The following MAPKAPK5 variants were observed in gnomAD, a reference collection of about 807,000 sequenced individuals.
MAPKAPK5 encodes MAP kinase-activated protein kinase 5.
MAPKAPK5 carries 30 observed loss-of-function variants against 65.1 expected under a neutral mutation model. The ratio of observed to expected loss-of-function variants is 0.46; its 90% confidence interval spans 0.34 to 0.63. The LOEUF (loss-of-function observed/expected upper bound fraction) is 0.63, where lower values mean the gene tolerates loss of function less well. MAPKAPK5 is among the 20% of genes least tolerant of loss of function. MAPKAPK5 has a pLI of 0.01. For missense variants in MAPKAPK5, 433 were observed against 581.4 expected, an observed-to-expected ratio of 0.74 and a Z score of 2.63; for synonymous variants, 179 against 204.6, an observed-to-expected ratio of 0.87 and a Z score of 1.07.
rs1436945609 is a variant in MAPKAPK5, at chr12:111,894,330, C to G, written c.*1269C>G. On this transcript the variant is annotated 3_prime_UTR_variant, in exon 14 of 14. Coordinates refer to ENST00000550735, the MANE Select transcript of MAPKAPK5 (RefSeq NM_003668.4). ...TACAGGCATGAGCCACCAAGCCTGG[C>G]CTATTCTTTATATGTTTAACCGGAG... 6.6e-6 allele frequency: 1 copy of G among 152,522 alleles called. No homozygotes were observed. Among genetic ancestry groups the G allele is most frequent in the East Asian group, 1.9e-4 (1 of 5,202 alleles). 9.4% of individuals were successfully genotyped at this position (152,522 alleles called of 1,614,324 possible).
At chr12:111,857,042 A>C (rs2069263831) in intron 1 of MAPKAPK5, among the ~76,000 whole-genome samples, 1 of 152,160 alleles carries the variant, frequency 6.6e-6, no homozygotes, top group African/African-American at 2.4e-5. Flanking sequence ...AATTGACTAA[A>C]GTCTGGTAAT....
At chr12:111,873,511 T>C (rs1169189173) in intron 7 of MAPKAPK5, among the ~76,000 whole-genome samples, 1 of 152,060 alleles carries the variant, frequency 6.6e-6, no homozygotes, top group Non-Finnish European at 1.5e-5. Flanking sequence ...GTCCGGCTAA[T>C]TTTTTGTATT....
chr12:111,854,809 C>T (rs763084060), intron 1 of MAPKAPK5, among the ~76,000 whole-genome samples: 18 of 152,144 alleles, frequency 1.2e-4, no homozygotes, highest in Non-Finnish European at 2.2e-4. Context: ...AAGGCCAAGG[C>T]AACCCCACAA....
At chr12:111,867,095 A>G (rs985302829) in intron 3 of MAPKAPK5, among the ~76,000 whole-genome samples, 22 of 151,594 alleles carry the variant, frequency 1.5e-4, no homozygotes, top group African/African-American at 5.3e-4. Flanking sequence ...ATGCCTGGCT[A>G]ATTTTGTTTG....
chr12:111,842,934 T>TTATGGG (rs2068766843), intron 1 of MAPKAPK5, 165 bp downstream of exon 1: 2 of 545,828 alleles, frequency 3.7e-6, no homozygotes, highest in Non-Finnish European at 5.7e-6. Flanking sequence ...GGGCCAAGGG[T>TTATGGG]TATGGGTGTG....
intron 1 of MAPKAPK5, among the ~76,000 whole-genome samples, chr12:111,864,757 G>T (rs2069549165): frequency 6.6e-6 from 1 of 152,080 alleles, no homozygotes; most frequent in East Asian, 1.9e-4. Context: ...ATATTGATTA[G>T]TTACTATTTT....
chr12:111,866,178 C>G lies in MAPKAPK5; in HGVS notation c.133C>G (p.Gln45Glu), dbSNP rs768779519. The G allele has an allele frequency of 6.2e-7, 1 of 1,612,142 alleles. No homozygotes were observed. Among genetic ancestry groups the G allele is most frequent in the Non-Finnish European group, 8.5e-7 (1 of 1,179,092 alleles). ...TAGAGTCTGTGTAAAGAAATCTACT[C>G]AAGAACGGTTTGCGCTGAAAATTCT... The part of the protein sequence containing the change: ...PVRVCVKKST[Q>E]ERFALKILLD... The change falls in exon 3 of 14, where the codon CAA (glutamine) becomes GAA (glutamate). Residue 45 changes from glutamine (Q) to glutamate (E), a missense_variant. Gln to Glu is a conservative substitution (Grantham distance 29, BLOSUM62 2). Around this residue, in one of 3 missense-constraint regions of MAPKAPK5, gnomAD observed 165 missense variants for 180.0 expected, o/e 0.92. Coordinates refer to ENST00000550735, the MANE Select transcript of MAPKAPK5 (RefSeq NM_003668.4).
intron 10 of MAPKAPK5, among the ~76,000 whole-genome samples, chr12:111,886,542 T>C (rs2070407829): frequency 6.6e-6 from 1 of 152,284 alleles, no homozygotes; most frequent in Admixed American, 6.5e-5. Flanking sequence ...ATCTGAGTTC[T>C]TTCTCATGTT....
At chr12:111,856,211 C>T (rs2069234581) in intron 1 of MAPKAPK5, among the ~76,000 whole-genome samples, 1 of 152,054 alleles carries the variant, frequency 6.6e-6, no homozygotes, top group Admixed American at 6.6e-5. Context: ...CTGTTCATTT[C>T]TGGCTTAATT....
At position 111,893,828 on chromosome 12, in the gene MAPKAPK5, A is replaced by C. The variant is rs2070708299; in HGVS notation, c.*767A>C. ...CCTCCCAGGTTCCAGTGATCCTCCC[A>C]CATCAGCCTCCCAAGTAGCTGGGAT... is the stretch of plus-strand genomic sequence containing the variant. On this transcript the variant is annotated 3_prime_UTR_variant, in exon 14 of 14. Transcript: ENST00000550735. 6.8e-6 allele frequency: 1 copy of C among 146,440 alleles called. No homozygotes were observed. Among genetic ancestry groups the C allele is most frequent in the African/African-American group, 2.6e-5 (1 of 39,150 alleles). The allele number at this position is 146,440 out of a possible 1,614,324, so 9.1% of individuals were successfully genotyped here. A position where few individuals can be genotyped will look rare whatever the true frequency, so the allele number is the denominator to read the frequency against.
chr12:111,846,098 T>C (rs1393298457), intron 1 of MAPKAPK5, among the ~76,000 whole-genome samples: 4 of 152,232 alleles, frequency 2.6e-5, no homozygotes, highest in South Asian at 2.1e-4. Flanking sequence ...GAATCTACGC[T>C]AATTTGGGCA....
In MAPKAPK5 at chr12:111,894,891, A is replaced by G. The variant is rs1340605277; in HGVS notation, c.*1830A>G. 1 of 151,240 alleles carries G rather than the reference A, an allele frequency of 6.6e-6. No individual in the cohort carries two copies. The highest frequency in any genetic ancestry group is 6.6e-5 in the Admixed American group (1 of 15,156). 9.4% of individuals were successfully genotyped at this position (151,240 alleles called of 1,614,324 possible). A position where few individuals can be genotyped will look rare whatever the true frequency, so the allele number is the denominator to read the frequency against. On this transcript the variant is annotated 3_prime_UTR_variant, in exon 14 of 14. Coordinates refer to ENST00000550735, the MANE Select transcript of MAPKAPK5 (RefSeq NM_003668.4). Reference sequence around the variant, plus strand: ...GGAGAGGATAGTCATCTGTTATTCAATTTTTTCTCATCTCATTCTCTTCGA... The same window carrying G: ...GGAGAGGATAGTCATCTGTTATTCAGTTTTTTCTCATCTCATTCTCTTCGA...
chr12:111,872,048 A>G (rs2069801736), intron 7 of MAPKAPK5, among the ~76,000 whole-genome samples: 1 of 151,986 alleles, frequency 6.6e-6, no homozygotes, highest in Admixed American at 6.5e-5. Flanking sequence ...GTATTTCATT[A>G]TATACCTAAG....
At chr12:111,851,853 A>T (rs1403675841) in intron 1 of MAPKAPK5, among the ~76,000 whole-genome samples, 4 of 152,196 alleles carry the variant, frequency 2.6e-5, no homozygotes, top group Admixed American at 2.0e-4. Context: ...GAGCTGGTTA[A>T]GGAAATCATG....
At chr12:111,845,698 G>T (rs952793300) in intron 1 of MAPKAPK5, among the ~76,000 whole-genome samples, 1 of 152,104 alleles carries the variant, frequency 6.6e-6, no homozygotes, top group African/African-American at 2.4e-5. Flanking sequence ...TAGGCGGGCG[G>T]ATCACCTGAG....
In MAPKAPK5 at chr12:111,868,788, G is replaced by C. The variant is rs1012399660; in HGVS notation, c.320G>C (p.Gly107Ala). The change falls in exon 5 of 14, where the codon GGG (glycine) becomes GCG (alanine). Residue 107 changes from glycine (G) to alanine (A), a missense_variant. This residue lies in a region of MAPKAPK5 where 165 missense variants were observed against 180.0 expected (regional missense o/e 0.92). Transcript: ENST00000550735. Reference protein sequence around the residue: ...RLLIVMEMMEGGELFHRISQH... With the variant: ...RLLIVMEMMEAGELFHRISQH... ...TTAATTGTAATGGAGATGATGGAAG[G>C]GGGAGAGCTATTTCACAGAATCAGC... The C allele has an allele frequency of 8.9e-6, 14 of 1,570,820 alleles. No homozygotes were observed. Among genetic ancestry groups the C allele is most frequent in the East Asian group, 4.7e-5 (2 of 42,450 alleles).
chr12:111,850,190 G>A (rs188051696), intron 1 of MAPKAPK5, among the ~76,000 whole-genome samples: 15 of 152,000 alleles, frequency 9.9e-5, no homozygotes, highest in Non-Finnish European at 1.8e-4. Flanking sequence ...CACCATGCCC[G>A]CCTAATTTTT....
intron 9 of MAPKAPK5, among the ~76,000 whole-genome samples, chr12:111,884,356 G>A (rs1371884912): frequency 7.2e-5 from 11 of 152,166 alleles, no homozygotes; most frequent in African/African-American, 2.7e-4. Context: ...GATTACAGGA[G>A]CCCGCTAACA....
rs1330517983 is a variant in MAPKAPK5 at position 111,886,002 on chromosome 12, A to G, written c.935A>G (p.Asn312Ser). 1 of 1,613,822 alleles carries G rather than the reference A, an allele frequency of 6.2e-7. No individual in the cohort carries two copies. Among genetic ancestry groups the G allele is most frequent in the African/African-American group, 1.3e-5 (1 of 74,888 alleles). ...CTCAATTCCACCGAGGCCCTGGATAATGTGCTGCCTTCTGCTCAGCTGATG... is the reference window on the plus strand; with the variant it reads ...CTCAATTCCACCGAGGCCCTGGATAGTGTGCTGCCTTCTGCTCAGCTGATG... The part of the protein sequence containing the change: ...PWLNSTEALD[N>S]VLPSAQLMMD... The change falls in exon 10 of 14, where the codon AAT becomes AGT. Residue 312 changes from asparagine (N) to serine (S), a missense_variant. Physicochemically the swap from Asn to Ser is conservative, Grantham distance 46 (BLOSUM62 1). This residue lies in a region of MAPKAPK5 where 169 missense variants were observed against 215.6 expected (regional missense o/e 0.78). Transcript: ENST00000550735.
Sources: allele counts gnomAD v4.1 joint callset (sites outside exome capture counted in the v4.1 genomes callset), GRCh38; gene constraint gnomAD v4.1.1; regional missense constraint gnomAD v4.1.1; transcripts MANE v1.5; gene names NCBI Gene and HGNC (gene_info 2026-07-23, HGNC 2026-07-21).